HEMK1: variants seen among roughly 807,000 people sequenced by gnomAD.
HEMK1 encodes the protein HemK methyltransferase 1, mitochondrial release factors N(5)-glutamine, also known as MTRF1L release factor glutamine methyltransferase.
A neutral mutation model predicts 47.9 loss-of-function variants in HEMK1; 36 were observed. That is an observed-to-expected ratio of 0.75 (90% confidence interval 0.58 to 0.99). The LOEUF (loss-of-function observed/expected upper bound fraction) is 0.99. Among genes scored for constraint, HEMK1 ranks in the 50% least tolerant of loss-of-function variants. HEMK1 has a pLI of 0.00. For missense variants in HEMK1, 383 were observed against 434.5 expected, an observed-to-expected ratio of 0.88 and a Z score of 1.05; for synonymous variants, 153 against 165.4, an observed-to-expected ratio of 0.93 and a Z score of 0.57.
At position 50,577,815 on chromosome 3, in the gene HEMK1, T is replaced by A; in HGVS notation, c.615-11T>A. 4 of 1,614,088 alleles carry A rather than the reference T, an allele frequency of 2.5e-6. No individual in the cohort carries two copies. Among genetic ancestry groups the A allele is most frequent in the Non-Finnish European group, 3.4e-6 (4 of 1,179,956 alleles). On this transcript the variant is annotated splice_polypyrimidine_tract_variant and intron_variant, in intron 6 of 10. Transcript: ENST00000232854. ...GCCCCCGTGCCTACCCCTTTCTCCCTGTCTGTGTAGGCTTCGGTTGCAGGA... is the reference window on the plus strand; with the variant it reads ...GCCCCCGTGCCTACCCCTTTCTCCCAGTCTGTGTAGGCTTCGGTTGCAGGA...
At chr3:50,571,466 C>G (rs1700949678) in intron 2 of HEMK1, 134 bp downstream of exon 2, 1 of 696,468 alleles carries the variant, frequency 1.4e-6, no homozygotes, top group Non-Finnish European at 2.4e-6. Flanking sequence ...GTCTTAGCGC[C>G]TGGCACACAC....
rs1028201850 is a variant in HEMK1 at position 50,593,679 on chromosome 3, G to A, written c.*13262G>A. 1 of 151,782 alleles carries A rather than the reference G, an allele frequency of 6.6e-6. No homozygotes were observed. Among genetic ancestry groups the A allele is most frequent in the South Asian group, 2.1e-4 (1 of 4,814 alleles). The allele number at this position is 151,782 out of a possible 1,614,324, so 9.4% of individuals were successfully genotyped here. On this transcript the variant is annotated 3_prime_UTR_variant, in exon 11 of 11. Transcript: ENST00000232854. ...AGATGTGCTTGTTGTTGCTTCTCTT[G>A]GATTTTCTACATTGACATTTTACCA...
intron 4 of HEMK1, among the ~76,000 whole-genome samples, chr3:50,575,094 G>C (rs1701421990): frequency 1.3e-5 from 2 of 152,198 alleles, no homozygotes; most frequent in African/African-American, 4.8e-5. Context: ...AGACTCAGAG[G>C]GTGGTGCCAC....
At chr3:50,577,237 C>T in intron 5 of HEMK1, 51 bp downstream of exon 5, 1 of 1,566,350 alleles carries the variant, frequency 6.4e-7, no homozygotes, top group African/African-American at 1.4e-5. Context: ...CTCACTGTCC[C>T]TCCCATTAGT....
rs2232247 is a variant in HEMK1 at position 50,571,478 on chromosome 3, G to C, written c.228+146G>C. The C allele has an allele frequency of 6.3e-4, 430 of 683,978 alleles. 2 individuals carry two copies. The East Asian group carries it at 0.011, about 17-fold the overall frequency. The allele number at this position is 683,978 out of a possible 1,614,324, so 42.4% of individuals were successfully genotyped here. On this transcript the variant is annotated intron_variant, in intron 2 of 10. Coordinates refer to ENST00000232854, the MANE Select transcript of HEMK1 (RefSeq NM_016173.5). The stretch of plus-strand genomic sequence containing the variant: ...AACGTCTTAGCGCCTGGCACACACT[G>C]TAACAGTTTGTTGGATGAATGAATA...
At position 50,589,370 on chromosome 3, in the gene HEMK1, T is replaced by C. The variant is rs752883999; in HGVS notation, c.*8953T>C. On this transcript the variant is annotated 3_prime_UTR_variant, in exon 11 of 11. Transcript: ENST00000232854. ...AGCACATAGGAAGGATTCTAATGTGTCATAATTTGGTGCTGTGCCCATTTG... is the reference window on the plus strand; with the variant it reads ...AGCACATAGGAAGGATTCTAATGTGCCATAATTTGGTGCTGTGCCCATTTG... The C allele has an allele frequency of 6.6e-6, 1 of 152,102 alleles. No individual in the cohort carries two copies. The highest frequency in any genetic ancestry group is 1.5e-5 in the Non-Finnish European group (1 of 68,024). 9.4% of individuals were successfully genotyped at this position (152,102 alleles called of 1,614,324 possible).
At position 50,594,869 on chromosome 3, in the gene HEMK1, T is replaced by G. The variant is rs571266677; in HGVS notation, c.*14452T>G. 6.6e-6 allele frequency: 1 copy of G among 151,094 alleles called. No individual in the cohort carries two copies. The highest frequency in any genetic ancestry group is 1.5e-5 in the Non-Finnish European group (1 of 67,920). The allele number at this position is 151,094 out of a possible 1,614,324, so 9.4% of individuals were successfully genotyped here. On this transcript the variant is annotated 3_prime_UTR_variant, in exon 11 of 11. Transcript: ENST00000232854. ...GTCTCACCCCCTCTCCCATTTTATA[T>G]CAATAAGTGTGAAGGCTGAGATTTT...
chr3:50,580,129 G>GA lies in HEMK1; in HGVS notation c.882dup (p.Val295SerfsTer18). 1 of 1,614,080 alleles carries GA rather than the reference G, an allele frequency of 6.2e-7. No homozygotes were observed. The highest frequency in any genetic ancestry group is 8.5e-7 in the Non-Finnish European group (1 of 1,179,926). The stretch of plus-strand genomic sequence containing the variant: ...TCCCCCATGTAGTAGTATCTTCTTA[G>GA]AAGTGGACCCAAGGCACCCGGAGCT... On this transcript the variant is annotated frameshift_variant, in exon 10 of 11. Coordinates refer to ENST00000232854, the MANE Select transcript of HEMK1 (RefSeq NM_016173.5). LOFTEE classifies it high-confidence loss of function.
In HEMK1 at chr3:50,580,531, C is replaced by G; in HGVS notation, c.*114C>G. On this transcript the variant is annotated 3_prime_UTR_variant, in exon 11 of 11. Coordinates refer to ENST00000232854, the MANE Select transcript of HEMK1 (RefSeq NM_016173.5). ...CATTTCCCAGGGTTCTGTGATTTCC[C>G]CATGCTCTGCATTTCTAGGATATTT... 1 of 1,049,714 alleles carries G rather than the reference C, an allele frequency of 9.5e-7. No individual in the cohort carries two copies. The highest frequency in any genetic ancestry group is 1.4e-6 in the Non-Finnish European group (1 of 704,710). The allele number at this position is 1,049,714 out of a possible 1,614,324, so 65.0% of individuals were successfully genotyped here. A position where few individuals can be genotyped will look rare whatever the true frequency, so the allele number is the denominator to read the frequency against.
At position 50,571,816 on chromosome 3, in the gene HEMK1, A is replaced by G. The variant is rs757106403; in HGVS notation, c.320+15A>G. 6.8e-6 allele frequency: 11 copies of G among 1,609,834 alleles called. No homozygotes were observed. Among genetic ancestry groups the G allele is most frequent in the Middle Eastern group, 1.6e-4 (1 of 6,078 alleles). On this transcript the variant is annotated intron_variant, in intron 3 of 10. Transcript: ENST00000232854. ...CGATTGCAGAGGTGAGCACCCATGG[A>G]TCAGACCTGAAGGATGTGTTCAGGG...
At position 50,572,107 on chromosome 3, in the gene HEMK1, CT is replaced by C; in HGVS notation, c.321-7del. 6.2e-7 allele frequency: 1 copy of C among 1,613,894 alleles called. No homozygotes were observed. Among genetic ancestry groups the C allele is most frequent in the Non-Finnish European group, 8.5e-7 (1 of 1,179,928 alleles). ...TCCCTGATGACCACCCAGCTGCCCC[CT>C]CTGCAGGATGCCGGTGCAGTACATC... On this transcript the variant is annotated splice_region_variant and splice_polypyrimidine_tract_variant and intron_variant, in intron 3 of 10. Coordinates refer to ENST00000232854, the MANE Select transcript of HEMK1 (RefSeq NM_016173.5).
chr3:50,583,286 A>G lies in HEMK1; in HGVS notation c.*2869A>G, dbSNP rs1458688232. ...GCTGCCTTATTGAAATAGGCCCCGA[A>G]CCCCCTAAATGCAAAAAATACTCTT... On this transcript the variant is annotated 3_prime_UTR_variant, in exon 11 of 11. Transcript: ENST00000232854. The G allele has an allele frequency of 6.6e-6, 1 of 151,904 alleles. No individual in the cohort carries two copies. The highest frequency in any genetic ancestry group is 1.5e-5 in the Non-Finnish European group (1 of 67,974). 9.4% of individuals were successfully genotyped at this position (151,904 alleles called of 1,614,324 possible). A position where few individuals can be genotyped will look rare whatever the true frequency, so the allele number is the denominator to read the frequency against.
At chr3:50,571,853 A>G in intron 3 of HEMK1, 52 bp downstream of exon 3, 1 of 1,547,128 alleles carries the variant, frequency 6.5e-7, no homozygotes, top group South Asian at 1.1e-5. Flanking sequence ...GCAGCAGTCC[A>G]GCCTCCCCTA....
chr3:50,571,615 C>T, intron 2 of HEMK1, 95 bp from the exon 3 acceptor site: 3 of 1,188,692 alleles, frequency 2.5e-6, no homozygotes, highest in Middle Eastern at 2.1e-4. Context: ...GTTGGGCCTC[C>T]AGACCAGTGC....
In HEMK1 at chr3:50,571,071, C is replaced by T. The variant is rs756836133; in HGVS notation, c.-34C>T. The T allele has an allele frequency of 6.6e-7, 1 of 1,509,376 alleles. No individual in the cohort carries two copies. Among genetic ancestry groups the T allele is most frequent in the Non-Finnish European group, 9.0e-7 (1 of 1,114,736 alleles). The allele number at this position is 1,509,376 out of a possible 1,614,324, so 93.5% of individuals were successfully genotyped here. ...TGACATCATAAAGCAGACTTGGGAA[C>T]CTGGAAGCACTCTGGAGAACCTTTC... On this transcript the variant is annotated 5_prime_UTR_variant, in exon 2 of 11. Transcript: ENST00000232854.
intron 8 of HEMK1, among the ~76,000 whole-genome samples, chr3:50,579,521 C>CT: frequency 6.6e-6 from 1 of 152,128 alleles, no homozygotes; most frequent in South Asian, 2.1e-4. Context: ...TCAGGGCTAG[C>CT]CCCAGATCTC....
chr3:50,577,816 G>A lies in HEMK1; in HGVS notation c.615-10G>A, dbSNP rs2107480457. ...CCCCCGTGCCTACCCCTTTCTCCCT[G>A]TCTGTGTAGGCTTCGGTTGCAGGAC... On this transcript the variant is annotated splice_polypyrimidine_tract_variant and intron_variant, in intron 6 of 10. Transcript: ENST00000232854. 1 of 1,614,118 alleles carries A rather than the reference G, an allele frequency of 6.2e-7. No homozygotes were observed. Among genetic ancestry groups the A allele is most frequent in the Non-Finnish European group, 8.5e-7 (1 of 1,179,972 alleles).
chr3:50,577,820 G>A lies in HEMK1; in HGVS notation c.615-6G>A. ...CGTGCCTACCCCTTTCTCCCTGTCT[G>A]TGTAGGCTTCGGTTGCAGGACAGGA... On this transcript the variant is annotated splice_region_variant and splice_polypyrimidine_tract_variant and intron_variant, in intron 6 of 10. Transcript: ENST00000232854. The A allele has an allele frequency of 6.2e-7, 1 of 1,614,126 alleles. No individual in the cohort carries two copies. The highest frequency in any genetic ancestry group is 8.5e-7 in the Non-Finnish European group (1 of 1,179,994).
At chr3:50,577,003 C>T in intron 4 of HEMK1, 49 bp from the exon 5 acceptor site, 1 of 1,609,784 alleles carries the variant, frequency 6.2e-7, no homozygotes, top group Non-Finnish European at 8.5e-7. Context: ...CCAAGACCCC[C>T]AGGAGCCACG....
Sources: gnomAD v4.1 joint callset for allele counts (sites outside exome capture counted in the v4.1 genomes callset) on GRCh38, gnomAD v4.1.1 for gene constraint, MANE v1.5 for transcripts, NCBI Gene and HGNC (gene_info 2026-07-23, HGNC 2026-07-21) for gene names.